ADGRF3: variants seen among roughly 807,000 people sequenced by gnomAD.
ADGRF3 encodes the protein G protein-coupled receptor 113.
In ADGRF3, 85 loss-of-function variants were observed where a neutral mutation model predicts 93.2. That is an observed-to-expected ratio of 0.91 (90% CI 0.77 to 1.09). ADGRF3 has a LOEUF of 1.09. Among genes scored for constraint, ADGRF3 ranks in the 50% least tolerant of loss-of-function variants. The probability of loss-of-function intolerance (pLI) is 0.00; values close to 1 mark genes in which losing one functional copy is unlikely to be tolerated. For synonymous variants in ADGRF3, 534 were observed against 532.5 expected, an observed-to-expected ratio of 1.00 and a Z score of -0.04; for missense variants, 1,125 against 1,246.2, an observed-to-expected ratio of 0.90 and a Z score of 1.46.
chr2:26,331,416 G>A (rs1675760237), intron 1 of ADGRF3, among the ~76,000 whole-genome samples: 1 of 152,160 alleles, frequency 6.6e-6, no homozygotes, highest in Non-Finnish European at 1.5e-5. Context: ...TGGGCGGGGT[G>A]GCACGCACCT....
Position 26,346,427 on chromosome 2 carries a change from C to CG in ADGRF3, c.-194dup. ...GGCGGGCGTTCCTCCGGAGGTCCTG[C>CG]GGGTCCTGGGGATTGGGGGTCGGGG... On this transcript the variant is annotated 5_prime_UTR_variant, in exon 1 of 14. It introduces an in-frame stop codon into an upstream open reading frame of the 5' UTR. Transcript: ENST00000651242. 9.1e-7 allele frequency: 1 copy of CG among 1,098,012 alleles called. No homozygotes were observed. Among genetic ancestry groups the CG allele is most frequent in the East Asian group, 2.9e-5 (1 of 34,630 alleles). The allele number at this position is 1,098,012 out of a possible 1,614,324, so 68.0% of individuals were successfully genotyped here.
intron 1 of ADGRF3, among the ~76,000 whole-genome samples, chr2:26,330,966 A>G (rs1315576074): frequency 2.0e-5 from 3 of 152,194 alleles, no homozygotes; most frequent in Non-Finnish European, 4.4e-5. Flanking sequence ...TGCTTACTCC[A>G]TCTTTTCTAG....
At position 26,316,893 on chromosome 2, in the gene ADGRF3, C is replaced by T; in HGVS notation, c.325+19G>A. The T allele has an allele frequency of 6.3e-7, 1 of 1,590,192 alleles. No homozygotes were observed. Among genetic ancestry groups the T allele is most frequent in the Non-Finnish European group, 8.5e-7 (1 of 1,171,640 alleles). ...CCTATGTTCATTCACTCTCAGCCCC[C>T]TTCCCACGCAAGTGGTACCTGTTGT... On this transcript the variant is annotated intron_variant, in intron 3 of 13. Transcript: ENST00000651242.
intron 1 of ADGRF3, 136 bp downstream of exon 1, chr2:26,345,985 G>T: frequency 1.2e-6 from 1 of 841,180 alleles, no homozygotes; most frequent in Non-Finnish European, 1.8e-6. Context: ...AGTGTCGGGG[G>T]ACGGGCCGCT....
Position 26,331,333 on chromosome 2 carries a change from T to C in ADGRF3, c.115-13771A>G, listed in dbSNP as rs1574726378. On this transcript the variant is annotated intron_variant, in intron 1 of 13. Coordinates refer to ENST00000651242, the MANE Select transcript of ADGRF3 (RefSeq NM_001321971.2). ...AGGAGGCCGAGGCGGGTGGATCACC[T>C]GAGGTCAGGAGTTCAAGACCAGCCT... Among the ~76,000 whole-genome samples, 4 of 152,260 alleles carry C rather than the reference T, an allele frequency of 2.6e-5. No individual in the cohort carries two copies. In the South Asian group the frequency reaches 8.3e-4, roughly 32 times the overall value.
Position 26,317,504 on chromosome 2 carries a change from C to G in ADGRF3, c.173G>C (p.Gly58Ala), listed in dbSNP as rs1489252378. ...GSGQLLDQEN[G>A]AGESALVSVY... ...CCTGTCCATACACTCACCCCCTGCTCCATTCTCTTGGTCCAGGAGCTGCCC... is the reference window on the plus strand; with the variant it reads ...CCTGTCCATACACTCACCCCCTGCTGCATTCTCTTGGTCCAGGAGCTGCCC... Residue 58 changes from glycine (G) to alanine (A), a missense_variant, in exon 2 of 14, where the codon GGA (glycine) becomes GCA (alanine). Coordinates refer to ENST00000651242, the MANE Select transcript of ADGRF3 (RefSeq NM_001321971.2). 1 of 1,591,424 alleles carries G rather than the reference C, an allele frequency of 6.3e-7. No individual in the cohort carries two copies. The highest frequency in any genetic ancestry group is 1.3e-5 in the African/African-American group (1 of 74,306).
intron 1 of ADGRF3, among the ~76,000 whole-genome samples, chr2:26,338,645 A>G (rs937440181): frequency 1.3e-5 from 2 of 151,992 alleles, no homozygotes; most frequent in African/African-American, 4.8e-5. Context: ...TATTTTTAGT[A>G]GAGATGGGGT....
At chr2:26,313,169 G>T in intron 8 of ADGRF3, 47 bp from the exon 9 acceptor site, 2 of 1,603,990 alleles carry the variant, frequency 1.2e-6, no homozygotes, top group Non-Finnish European at 1.7e-6. Context: ...GTGGAATGAT[G>T]GTTTGAGAAG....
At position 26,311,851 on chromosome 2, in the gene ADGRF3, G is replaced by T; in HGVS notation, c.1673C>A (p.Ser558Tyr). ...GPTFPADYSI[S>Y]FPTRPPLQAQ... ...CTGCAGTGGGGGCCGAGTAGGGAAG[G>T]AGATGCTGTAGTCAGCAGGAAACGT... The change falls in exon 10 of 14, where the codon TCC (serine) becomes TAC (tyrosine). Residue 558 changes from serine (S) to tyrosine (Y), a missense_variant. Physicochemically the swap from Ser to Tyr is moderately radical, Grantham distance 144. Transcript: ENST00000651242. 6.2e-7 allele frequency: 1 copy of T among 1,613,934 alleles called. No individual in the cohort carries two copies. Among genetic ancestry groups the T allele is most frequent in the Non-Finnish European group, 8.5e-7 (1 of 1,179,848 alleles).
chr2:26,313,246 T>G, intron 8 of ADGRF3, 124 bp from the exon 9 acceptor site: 1 of 1,428,292 alleles, frequency 7.0e-7, no homozygotes, highest in Non-Finnish European at 9.6e-7. Flanking sequence ...CTGGCTCTGC[T>G]AGGGCTCCAC....
intron 1 of ADGRF3, among the ~76,000 whole-genome samples, chr2:26,322,049 C>T (rs1185678471): frequency 6.7e-6 from 1 of 148,646 alleles, no homozygotes; most frequent in East Asian, 2.0e-4. Context: ...ACCTTGGAGG[C>T]CAAGGTGGGC....
intron 1 of ADGRF3, among the ~76,000 whole-genome samples, chr2:26,335,284 C>T (rs72613827): frequency 0.094 from 14,264 of 152,216 alleles, 1,761 homozygotes; most frequent in East Asian, 0.6. Flanking sequence ...TAAATGGAAC[C>T]ATACACTATA....
intron 9 of ADGRF3, 76 bp from the exon 10 acceptor site, chr2:26,312,150 G>C (rs1674223366): frequency 7.2e-7 from 1 of 1,389,378 alleles, no homozygotes; most frequent in Non-Finnish European, 9.7e-7. Flanking sequence ...GAGAACAACA[G>C]ACCCCACACC....
At position 26,309,104 on chromosome 2, in the gene ADGRF3, C is replaced by T. The variant is rs1048018921; in HGVS notation, c.2997G>A (p.Lys999=). Residue 999 remains lysine (K), a synonymous_variant, in exon 14 of 14, where the codon AAG becomes AAA. Coordinates refer to ENST00000651242, the MANE Select transcript of ADGRF3 (RefSeq NM_001321971.2). ...HSKGGSDTAR[K]TDASE ...GTGTGGTTCACTCTGAAGCATCTGTCTTCCTGTGAAAGAGCTTGCGGCTGG... is the reference window on the plus strand; with the variant it reads ...GTGTGGTTCACTCTGAAGCATCTGTTTTCCTGTGAAAGAGCTTGCGGCTGG... 2 of 1,613,940 alleles carry T rather than the reference C, an allele frequency of 1.2e-6. No individual in the cohort carries two copies. Among genetic ancestry groups the T allele is most frequent in the African/African-American group, 1.3e-5 (1 of 74,932 alleles).
chr2:26,327,321 T>A (rs887389222), intron 1 of ADGRF3, among the ~76,000 whole-genome samples: 1 of 152,100 alleles, frequency 6.6e-6, no homozygotes, highest in Non-Finnish European at 1.5e-5. Context: ...ATGAGGTGAG[T>A]TCCTCTTCAA....
At chr2:26,332,644 G>GT (rs1449638291) in intron 1 of ADGRF3, among the ~76,000 whole-genome samples, 1 of 152,212 alleles carries the variant, frequency 6.6e-6, no homozygotes, top group East Asian at 1.9e-4. Flanking sequence ...GGAGGCTGAG[G>GT]TGGGAGGATC....
intron 5 of ADGRF3, 145 bp from the exon 6 acceptor site, chr2:26,314,768 G>T (rs905980621): frequency 4.4e-6 from 3 of 683,074 alleles, no homozygotes; most frequent in Admixed American, 2.7e-5. Context: ...TCCCAGGATG[G>T]CCCCTTTGGT....
chr2:26,319,121 A>C lies in ADGRF3; in HGVS notation c.115-1559T>G, dbSNP rs530019111. ...AGGAAGAGCTGGCAGGGCAGTGTGC[A>C]GATGGGATGGGAGGGAAGAGGGGAG... On this transcript the variant is annotated intron_variant, in intron 1 of 13. Transcript: ENST00000651242. The C allele has an allele frequency of 6.8e-6, 10 of 1,472,298 alleles. No individual in the cohort carries two copies. The African/African-American group carries it at 1.1e-4, about 16-fold the overall frequency. The allele number at this position is 1,472,298 out of a possible 1,614,324, so 91.2% of individuals were successfully genotyped here.
chr2:26,345,739 C>T, intron 1 of ADGRF3: 1 of 208,310 alleles, frequency 4.8e-6, no homozygotes, highest in Non-Finnish European at 9.8e-6. Flanking sequence ...GGTTCGCAAG[C>T]AGTCACTCTA....
Sources: gnomAD v4.1 joint callset for allele counts (sites outside exome capture counted in the v4.1 genomes callset) on GRCh38, gnomAD v4.1.1 for gene constraint, MANE v1.5 for transcripts, NCBI Gene and HGNC (gene_info 2026-07-23, HGNC 2026-07-21) for gene names.